Variants in RASGRP1 observed in about 807,000 individuals in gnomAD.
The protein encoded by RASGRP1 is RAS guanyl releasing protein 1.
In RASGRP1, 37 loss-of-function variants were observed where a neutral mutation model predicts 95.1. The observed-to-expected ratio is 0.39, with a 90% CI of 0.30 to 0.51. The LOEUF (loss-of-function observed/expected upper bound fraction) is 0.51, where lower values mean the gene tolerates loss of function less well. Among genes scored for constraint, RASGRP1 ranks in the 20% least tolerant of loss-of-function variants. RASGRP1 has a pLI of 0.80. For missense variants in RASGRP1, 711 were observed against 965.4 expected, an observed-to-expected ratio of 0.74 and a Z score of 3.49; for synonymous variants, 325 against 353.4, an observed-to-expected ratio of 0.92 and a Z score of 0.90.
chr15:38,516,095 GA>G, intron 6 of RASGRP1, 101 bp downstream of exon 6: 1 of 1,355,304 alleles, frequency 7.4e-7, no homozygotes, highest in South Asian at 1.4e-5. Flanking sequence ...GCCACGACTT[GA>G]GGGGGCCTCT....
intron 16 of RASGRP1, among the ~76,000 whole-genome samples, chr15:38,490,914 T>G (rs898474229): frequency 6.6e-6 from 1 of 152,082 alleles, no homozygotes; most frequent in Non-Finnish European, 1.5e-5. Context: ...AGTTTGTGAG[T>G]GGTTAGCAGG....
intron 2 of RASGRP1, among the ~76,000 whole-genome samples, chr15:38,528,716 TTAAAAA>T (rs2141144543): frequency 6.6e-6 from 1 of 152,348 alleles, no homozygotes; most frequent in East Asian, 1.9e-4. Flanking sequence ...AAATTTTAAA[TTAAAAA>T]TAAAACACTT....
chr15:38,563,289 T>G (rs78702502), intron 1 of RASGRP1, among the ~76,000 whole-genome samples: 1 of 152,090 alleles, frequency 6.6e-6, no homozygotes, highest in South Asian at 2.1e-4. Flanking sequence ...GCATATTTTT[T>G]AAAAAAATAC....
chr15:38,514,357 A>T (rs567987977), intron 6 of RASGRP1, among the ~76,000 whole-genome samples: 10 of 152,186 alleles, frequency 6.6e-5, no homozygotes, highest in Non-Finnish European at 1.3e-4. Flanking sequence ...CTCATTGCAT[A>T]TATTTTGAAT....
At chr15:38,549,778 G>A (rs1893254771) in intron 2 of RASGRP1, among the ~76,000 whole-genome samples, 1 of 151,518 alleles carries the variant, frequency 6.6e-6, no homozygotes, top group Non-Finnish European at 1.5e-5. Flanking sequence ...GAAGGCTCTA[G>A]TGAGAACCTC....
At chr15:38,532,351 T>C (rs1892475504) in intron 2 of RASGRP1, among the ~76,000 whole-genome samples, 1 of 152,222 alleles carries the variant, frequency 6.6e-6, no homozygotes, top group South Asian at 2.1e-4. Context: ...TGATCTTACA[T>C]ACTCTGCCAT....
chr15:38,500,704 CA>C (rs1890980240), intron 13 of RASGRP1, among the ~76,000 whole-genome samples: 1 of 152,080 alleles, frequency 6.6e-6, no homozygotes, highest in Admixed American at 6.6e-5. Context: ...ATCGGGCAAA[CA>C]GGTTCCTCAG....
At chr15:38,554,486 A>G (rs1893470150) in intron 2 of RASGRP1, among the ~76,000 whole-genome samples, 1 of 152,164 alleles carries the variant, frequency 6.6e-6, no homozygotes, top group South Asian at 2.1e-4. Context: ...ACGCATAAGC[A>G]TTGCCTCTGT....
At chr15:38,537,799 C>T (rs998213149) in intron 2 of RASGRP1, among the ~76,000 whole-genome samples, 1 of 152,128 alleles carries the variant, frequency 6.6e-6, no homozygotes, top group African/African-American at 2.4e-5. Flanking sequence ...GTTTTAAGCG[C>T]ACTCCCCCAA....
intron 16 of RASGRP1, among the ~76,000 whole-genome samples, chr15:38,492,947 T>C (rs1319670234): frequency 6.6e-6 from 1 of 151,564 alleles, no homozygotes; most frequent in South Asian, 2.1e-4. Flanking sequence ...GTGGTGCCAT[T>C]TCGGCTCACT....
intron 2 of RASGRP1, among the ~76,000 whole-genome samples, chr15:38,555,110 G>A (rs750682406): frequency 6.6e-6 from 1 of 152,238 alleles, no homozygotes; most frequent in Non-Finnish European, 1.5e-5. Flanking sequence ...AGAGGGCTAT[G>A]GCCCTGAGTG....
chr15:38,528,488 C>T (rs1430831302), intron 2 of RASGRP1, among the ~76,000 whole-genome samples: 2 of 152,104 alleles, frequency 1.3e-5, no homozygotes, highest in Non-Finnish European at 2.9e-5. Flanking sequence ...GACTCAGTAG[C>T]ATTCAACCCA....
intron 2 of RASGRP1, among the ~76,000 whole-genome samples, chr15:38,557,629 G>GTGTGTGTGTATA (rs745934661): frequency 4.1e-5 from 6 of 147,370 alleles, no homozygotes; most frequent in Non-Finnish European, 7.5e-5. Flanking sequence ...GTGTGTGTGT[G>GTGTGTGTGTATA]TATATATATA....
intron 8 of RASGRP1, among the ~76,000 whole-genome samples, chr15:38,509,540 A>G (rs1371991374): frequency 1.3e-5 from 2 of 152,142 alleles, no homozygotes; most frequent in African/African-American, 4.8e-5. Flanking sequence ...CAGCCTGGCT[A>G]ACATGGTGAA....
intron 8 of RASGRP1, among the ~76,000 whole-genome samples, chr15:38,508,875 TATC>T (rs1891375409): frequency 6.6e-6 from 1 of 152,212 alleles, no homozygotes; most frequent in South Asian, 2.1e-4. Context: ...CCAATCATGT[TATC>T]ATACAACATA....
At chr15:38,492,244 G>A (rs753750972) in intron 16 of RASGRP1, among the ~76,000 whole-genome samples, 1 of 152,212 alleles carries the variant, frequency 6.6e-6, no homozygotes, top group Non-Finnish European at 1.5e-5. Flanking sequence ...CTGAGCAAGA[G>A]AGTACCATTC....
chr15:38,490,416 A>T lies in RASGRP1; in HGVS notation c.*138T>A. The T allele has an allele frequency of 2.3e-6, 2 of 863,496 alleles. No homozygotes were observed. The highest frequency in any genetic ancestry group is 3.5e-5 in the South Asian group (1 of 28,588). 53.5% of individuals were successfully genotyped at this position (863,496 alleles called of 1,614,324 possible). Reference sequence around the variant, plus strand: ...GCTGCACATTAGGAATCTTTTAGGTAAATAAACAGTAACAGGCTTTTCCTT... The same window carrying T: ...GCTGCACATTAGGAATCTTTTAGGTTAATAAACAGTAACAGGCTTTTCCTT... On this transcript the variant is annotated 3_prime_UTR_variant, in exon 17 of 17. Coordinates refer to ENST00000310803, the MANE Select transcript of RASGRP1 (RefSeq NM_005739.4).
intron 15 of RASGRP1, among the ~76,000 whole-genome samples, chr15:38,496,756 A>G (rs900565715): frequency 1.3e-5 from 2 of 152,182 alleles, no homozygotes; most frequent in African/African-American, 4.8e-5. Flanking sequence ...AAGATTTAGG[A>G]AGACAGAAAA....
intron 13 of RASGRP1, among the ~76,000 whole-genome samples, chr15:38,500,877 A>G (rs1029294148): frequency 1.3e-5 from 2 of 152,200 alleles, no homozygotes; most frequent in Non-Finnish European, 2.9e-5. Context: ...CAGCACATGA[A>G]TATTATACTT....
Sources: allele counts gnomAD v4.1 joint callset (sites outside exome capture counted in the v4.1 genomes callset), GRCh38; gene constraint gnomAD v4.1.1; transcripts MANE v1.5; gene names NCBI Gene and HGNC (gene_info 2026-07-23, HGNC 2026-07-21).